The following SLC16A10 variants were observed in gnomAD, a reference collection of about 807,000 sequenced individuals.
The protein encoded by SLC16A10 is monocarboxylate transporter 10.
Under a neutral mutation model 40.0 loss-of-function variants are expected in SLC16A10, and 27 were observed. The ratio of observed to expected loss-of-function variants is 0.67; its 90% CI spans 0.50 to 0.93. The LOEUF (loss-of-function observed/expected upper bound fraction) is 0.93, where lower values mean the gene tolerates loss of function less well. SLC16A10 is among the 40% of genes least tolerant of loss of function. SLC16A10 has a pLI of 0.00. For synonymous variants in SLC16A10, 213 were observed against 249.8 expected, an observed-to-expected ratio of 0.85 and a Z score of 1.39; for missense variants, 529 against 658.2, an observed-to-expected ratio of 0.80 and a Z score of 2.15.
At chr6:111,127,984 C>G (rs1003130248) in intron 1 of SLC16A10, among the ~76,000 whole-genome samples, 10 of 152,072 alleles carry the variant, frequency 6.6e-5, no homozygotes, top group African/African-American at 2.4e-4. Flanking sequence ...CCCTATTCAC[C>G]AAGCTGAATC....
chr6:111,211,902 A>G (rs1773351648), intron 4 of SLC16A10, among the ~76,000 whole-genome samples: 1 of 152,134 alleles, frequency 6.6e-6, no homozygotes, highest in Non-Finnish European at 1.5e-5. Context: ...AAGGCTTGGA[A>G]TGCTCCTGGG....
chr6:111,221,811 C>T (rs534036083), intron 5 of SLC16A10, among the ~76,000 whole-genome samples, 192 bp from the exon 6 acceptor site: 23 of 151,518 alleles, frequency 1.5e-4, no homozygotes, highest in Admixed American at 1.1e-3. Context: ...ATCCAGAGGA[C>T]TGTACTTTAT....
intron 3 of SLC16A10, among the ~76,000 whole-genome samples, chr6:111,188,766 T>G (rs1430612101): frequency 6.6e-6 from 1 of 152,218 alleles, no homozygotes; most frequent in Non-Finnish European, 1.5e-5. Context: ...TTCATTCCCT[T>G]CGCAATTAAC....
intron 1 of SLC16A10, among the ~76,000 whole-genome samples, chr6:111,153,055 C>T (rs377684160): frequency 6.6e-6 from 1 of 152,060 alleles, no homozygotes; most frequent in Admixed American, 6.5e-5. Context: ...TGGGGAAGAT[C>T]AAGGGAGAGA....
At chr6:111,208,267 T>C (rs372939337) in intron 4 of SLC16A10, among the ~76,000 whole-genome samples, 1 of 152,056 alleles carries the variant, frequency 6.6e-6, no homozygotes, top group African/African-American at 2.4e-5. Flanking sequence ...GTGTGAGCCA[T>C]GCCCAGCCTG....
At chr6:111,137,787 A>G (rs1479479628) in intron 1 of SLC16A10, among the ~76,000 whole-genome samples, 1 of 152,168 alleles carries the variant, frequency 6.6e-6, no homozygotes, top group Non-Finnish European at 1.5e-5. Flanking sequence ...CCGACTAAGA[A>G]TCCCTAAGCC....
chr6:111,129,025 T>A (rs779152754), intron 1 of SLC16A10, among the ~76,000 whole-genome samples: 9 of 152,252 alleles, frequency 5.9e-5, no homozygotes, highest in Non-Finnish European at 1.0e-4. Flanking sequence ...TACACAGTTA[T>A]AGAGTATCTA....
At chr6:111,216,566 C>A (rs7743092) in intron 4 of SLC16A10, among the ~76,000 whole-genome samples, 3,805 of 94,436 alleles carry the variant, frequency 0.04, 89 homozygotes, top group Admixed American at 0.12. Context: ...CCACGCCCGG[C>A]TAACTTTTTT....
intron 1 of SLC16A10, among the ~76,000 whole-genome samples, chr6:111,108,868 G>A (rs768959366): frequency 1.3e-5 from 2 of 152,006 alleles, no homozygotes; most frequent in African/African-American, 4.8e-5. Context: ...TAAGCTTCCC[G>A]GAGATAAAGT....
intron 1 of SLC16A10, among the ~76,000 whole-genome samples, chr6:111,169,005 G>A (rs1772533257): frequency 6.6e-6 from 1 of 152,018 alleles, no homozygotes; most frequent in African/African-American, 2.4e-5. Context: ...TGAGAGGGAC[G>A]ACTTAAGAGA....
At chr6:111,220,201 A>C (rs1314429492) in intron 5 of SLC16A10, among the ~76,000 whole-genome samples, 1 of 152,254 alleles carries the variant, frequency 6.6e-6, no homozygotes, top group Non-Finnish European at 1.5e-5. Context: ...GGGATTGGGA[A>C]GTAACTACTT....
intron 1 of SLC16A10, among the ~76,000 whole-genome samples, chr6:111,171,815 C>CAAAAAAAAAAAAAAAAAAAAAAAAAA (rs11396709): frequency 1.2e-5 from 1 of 86,074 alleles, no homozygotes; most frequent in Admixed American, 1.2e-4. Context: ...GACCTTTTCT[C>CAAAAAAAAAAAAAAAAAAAAAAAAAA]AAAAAAAAAA....
chr6:111,141,202 G>C (rs929076104), intron 1 of SLC16A10, among the ~76,000 whole-genome samples: 2 of 152,092 alleles, frequency 1.3e-5, no homozygotes, highest in Admixed American at 6.5e-5. Flanking sequence ...AAATTATGTA[G>C]TTATTCTAAA....
At chr6:111,180,100 G>A (rs1395768308) in intron 3 of SLC16A10, among the ~76,000 whole-genome samples, 1 of 152,208 alleles carries the variant, frequency 6.6e-6, no homozygotes, top group East Asian at 1.9e-4. Context: ...TGCTCTGAAG[G>A]AGCATAAACC....
At chr6:111,125,362 G>T (rs1487537742) in intron 1 of SLC16A10, among the ~76,000 whole-genome samples, 3 of 152,120 alleles carry the variant, frequency 2.0e-5, no homozygotes, top group Non-Finnish European at 4.4e-5. Flanking sequence ...ATGCATATGG[G>T]CGTGGAGTGG....
chr6:111,162,883 G>T (rs1208694362), intron 1 of SLC16A10, among the ~76,000 whole-genome samples: 1 of 151,886 alleles, frequency 6.6e-6, no homozygotes, highest in Non-Finnish European at 1.5e-5. Flanking sequence ...CTCTTCTTCT[G>T]CTTGATATTC....
At chr6:111,213,979 G>A (rs954488070) in intron 4 of SLC16A10, among the ~76,000 whole-genome samples, 2 of 152,142 alleles carry the variant, frequency 1.3e-5, no homozygotes, top group African/African-American at 4.8e-5. Flanking sequence ...TTTTATTCAG[G>A]TGCAGCTCAT....
chr6:111,115,332 C>A (rs1010382763), intron 1 of SLC16A10, among the ~76,000 whole-genome samples: 1 of 152,196 alleles, frequency 6.6e-6, no homozygotes, highest in Non-Finnish European at 1.5e-5. Flanking sequence ...GCCTCAGCCT[C>A]CTGAGTAGCT....
At chr6:111,154,375 C>A (rs890691073) in intron 1 of SLC16A10, among the ~76,000 whole-genome samples, 1 of 152,124 alleles carries the variant, frequency 6.6e-6, no homozygotes, top group African/African-American at 2.4e-5. Context: ...AAAAATATGA[C>A]ATAGTATATG....
Sources: allele counts gnomAD v4.1 joint callset (sites outside exome capture counted in the v4.1 genomes callset), GRCh38; gene constraint gnomAD v4.1.1; transcripts MANE v1.5; gene names NCBI Gene and HGNC (gene_info 2026-07-23, HGNC 2026-07-21).